The following KIF26B variants were observed in gnomAD, a reference collection of about 807,000 sequenced individuals.
KIF26B encodes kinesin family member 26B.
In KIF26B, 63 loss-of-function variants were observed where a neutral mutation model predicts 151.2. That is an observed-to-expected ratio of 0.42 (90% confidence interval 0.34 to 0.51). The LOEUF is 0.51. Ranked by LOEUF, KIF26B falls within the 20% of genes least tolerant of loss-of-function variation. KIF26B has a pLI of 0.07. For synonymous variants in KIF26B, 1,357 were observed against 1,262.1 expected, an observed-to-expected ratio of 1.08 and a Z score of -1.59; for missense variants, 2,813 against 2,913.6, an observed-to-expected ratio of 0.97 and a Z score of 0.79.
chr1:245,656,524 G>T (rs886806389), intron 10 of KIF26B, among the ~76,000 whole-genome samples: 3 of 152,224 alleles, frequency 2.0e-5, no homozygotes, highest in Non-Finnish European at 4.4e-5. Flanking sequence ...GTCATAACCA[G>T]AAACAAAACA....
intron 2 of KIF26B, among the ~76,000 whole-genome samples, chr1:245,171,215 T>G (rs146765892): frequency 6.6e-6 from 1 of 152,216 alleles, no homozygotes; most frequent in Non-Finnish European, 1.5e-5. Context: ...ACATTATATC[T>G]CTTCAGCACA....
chr1:245,219,004 T>C (rs1292224809), intron 2 of KIF26B, among the ~76,000 whole-genome samples: 2 of 151,998 alleles, frequency 1.3e-5, no homozygotes, highest in African/African-American at 4.8e-5. Flanking sequence ...CCCCATCTAC[T>C]CTCTGGGAAG....
At chr1:245,246,914 GACACAC>G (rs1195534937) in intron 2 of KIF26B, among the ~76,000 whole-genome samples, 1 of 133,742 alleles carries the variant, frequency 7.5e-6, no homozygotes, top group Non-Finnish European at 1.7e-5. Flanking sequence ...CACAGACACA[GACACAC>G]ACAGACACAG....
intron 4 of KIF26B, among the ~76,000 whole-genome samples, chr1:245,421,578 G>T (rs1658487791): frequency 6.6e-6 from 1 of 152,160 alleles, no homozygotes. Flanking sequence ...GATGGGAATT[G>T]ACTTCCGACG....
chr1:245,194,680 G>A (rs1200675580), intron 2 of KIF26B, among the ~76,000 whole-genome samples: 1 of 152,130 alleles, frequency 6.6e-6, no homozygotes, highest in Admixed American at 6.6e-5. Context: ...ACCTGGCCTG[G>A]TTTTTACTTT....
intron 2 of KIF26B, among the ~76,000 whole-genome samples, chr1:245,233,863 G>A (rs1670048793): frequency 6.6e-6 from 1 of 152,142 alleles, no homozygotes; most frequent in East Asian, 1.9e-4. Flanking sequence ...CATGATACTA[G>A]TTTAATGGAA....
chr1:245,382,509 C>T (rs1295039894), intron 3 of KIF26B, among the ~76,000 whole-genome samples: 1 of 151,602 alleles, frequency 6.6e-6, no homozygotes, highest in East Asian at 1.9e-4. Context: ...GTTTTTGGTT[C>T]TGTACACTGT....
chr1:245,661,917 C>T (rs890831125), intron 10 of KIF26B, among the ~76,000 whole-genome samples: 1 of 145,518 alleles, frequency 6.9e-6, no homozygotes, highest in Non-Finnish European at 1.5e-5. Context: ...CATACACACA[C>T]TCAATATATA....
intron 4 of KIF26B, among the ~76,000 whole-genome samples, chr1:245,481,491 A>T (rs376598122): frequency 1.3e-5 from 2 of 151,910 alleles, no homozygotes; most frequent in East Asian, 3.8e-4. Flanking sequence ...AGCATTAAAC[A>T]AGGAAACTCG....
chr1:245,282,964 AT>A, intron 2 of KIF26B: 2 of 311,092 alleles, frequency 6.4e-6, no homozygotes, highest in Admixed American at 3.6e-5. Context: ...CCGAAGGCAG[AT>A]TTTGGTAGAC....
At chr1:245,635,929 G>GT (rs1342065719) in intron 9 of KIF26B, among the ~76,000 whole-genome samples, 2 of 152,106 alleles carry the variant, frequency 1.3e-5, no homozygotes, top group Non-Finnish European at 2.9e-5. Context: ...ATATTTGGAG[G>GT]TTTTTCAGAT....
intron 4 of KIF26B, among the ~76,000 whole-genome samples, chr1:245,485,940 G>A (rs1458476157): frequency 2.0e-5 from 3 of 152,194 alleles, no homozygotes; most frequent in African/African-American, 7.2e-5. Context: ...TTGTCTTCTG[G>A]TTAAATATGA....
chr1:245,184,050 G>GTTGTTTTTTTTTTTTTTGTTTTTTTTTTT (rs1553332271), intron 2 of KIF26B, among the ~76,000 whole-genome samples: 1 of 19,804 alleles, frequency 5.0e-5, no homozygotes, highest in Non-Finnish European at 9.9e-5. Flanking sequence ...GGGAGTTGTT[G>GTTGTTTTTTTTTTTTTTGTTTTTTTTTTT]TTTTTTTTTT....
intron 4 of KIF26B, among the ~76,000 whole-genome samples, chr1:245,441,028 C>A (rs764259206): frequency 6.6e-6 from 1 of 152,206 alleles, no homozygotes; most frequent in Admixed American, 6.5e-5. Flanking sequence ...AAATCCAGAT[C>A]GGTGCAGTTG....
chr1:245,296,428 G>A (rs1470813139), intron 2 of KIF26B, among the ~76,000 whole-genome samples: 1 of 152,056 alleles, frequency 6.6e-6, no homozygotes, highest in Non-Finnish European at 1.5e-5. Context: ...ATAGTTCAGA[G>A]ATGTGGGTCG....
chr1:245,393,737 G>A (rs569268014), intron 3 of KIF26B, among the ~76,000 whole-genome samples: 77 of 152,148 alleles, frequency 5.1e-4, no homozygotes, highest in Non-Finnish European at 9.0e-4. Flanking sequence ...CCAGGTTTTG[G>A]GAGCTAAGAG....
intron 2 of KIF26B, among the ~76,000 whole-genome samples, chr1:245,190,891 C>G (rs969903647): frequency 7.3e-5 from 11 of 150,392 alleles, no homozygotes; most frequent in Non-Finnish European, 1.5e-4. Context: ...GAAACACCAT[C>G]TCTACTAAAA....
At chr1:245,357,187 A>G (rs1449831195) in intron 2 of KIF26B, among the ~76,000 whole-genome samples, 2 of 152,186 alleles carry the variant, frequency 1.3e-5, no homozygotes, top group African/African-American at 4.8e-5. Context: ...GGCGGGGGCC[A>G]GGGGAGGATT....
intron 8 of KIF26B, 74 bp downstream of exon 8, chr1:245,609,602 G>A (rs1423436419): frequency 1.8e-5 from 25 of 1,402,592 alleles, no homozygotes; most frequent in Admixed American, 8.8e-5. Context: ...AGCTCCACCC[G>A]TGAATCACTG....
Sources: gnomAD v4.1 joint callset for allele counts (sites outside exome capture counted in the v4.1 genomes callset) on GRCh38, gnomAD v4.1.1 for gene constraint, MANE v1.5 for transcripts, NCBI Gene and HGNC (gene_info 2026-07-23, HGNC 2026-07-21) for gene names.